Variants in MYOM2 observed in about 807,000 individuals in gnomAD.
MYOM2 encodes the protein myomesin 2.
In MYOM2, 254 loss-of-function variants were observed where a neutral mutation model predicts 187.6. The ratio of observed to expected loss-of-function variants is 1.35; its 90% CI spans 1.22 to 1.50. The LOEUF (loss-of-function observed/expected upper bound fraction) is 1.50, where lower values mean the gene tolerates loss of function less well. Among genes scored for constraint, MYOM2 ranks in the 40% most tolerant of loss-of-function variants. The pLI is 0.00. For synonymous variants in MYOM2, 981 were observed against 753.8 expected (o/e 1.30, Z -4.94); for missense variants, 2,796 against 1,924.0 (o/e 1.45, Z -8.48).
chr8:2,123,084 A>G lies in MYOM2; in HGVS notation c.3454-168A>G, dbSNP rs569259605. On this transcript the variant is annotated intron_variant, in intron 28 of 36. Transcript: ENST00000262113. ...AAGCTGGAATTTAGAAATGTGTTTG[A>G]CGTTATTGGGAGCGACAGCTTTTCC... 2.6e-5 allele frequency among the ~76,000 whole-genome samples: 4 copies of G among 152,208 alleles called. No homozygotes were observed. The East Asian group carries it at 7.7e-4, about 29-fold the overall frequency.
chr8:2,134,669 T>G (rs528404852), intron 32 of MYOM2, among the ~76,000 whole-genome samples: 106 of 152,306 alleles, frequency 7.0e-4, no homozygotes, highest in African/African-American at 2.5e-3. Context: ...TGTATCCGTT[T>G]GGACTCAGGG....
At chr8:2,077,313 AAAAAC>A (rs1819461153) in intron 11 of MYOM2, among the ~76,000 whole-genome samples, 1 of 152,186 alleles carries the variant, frequency 6.6e-6, no homozygotes, top group African/African-American at 2.4e-5. Flanking sequence ...CACCATCAAA[AAAAAC>A]AAAACAAAAC....
rs1393749940 is a variant in MYOM2 at position 2,085,454 on chromosome 8, CTGCG to C, written c.1644+67_1644+70del. On this transcript the variant is annotated intron_variant, in intron 14 of 36. Transcript: ENST00000262113. ...GCATGGCCCCCCACTGTCATGATCTCTGCGTGGCCCACCGCTGTCGTGATCTCCG... is the reference window on the plus strand; with the variant it reads ...GCATGGCCCCCCACTGTCATGATCTCTGGCCCACCGCTGTCGTGATCTCCG... 81 of 1,571,766 alleles carry C rather than the reference CTGCG, an allele frequency of 5.2e-5. 3 individuals carry two copies. The African/African-American group carries it at 6.3e-4, about 12-fold the overall frequency.
At chr8:2,120,557 G>T (rs1797388785) in intron 28 of MYOM2, among the ~76,000 whole-genome samples, 1 of 148,872 alleles carries the variant, frequency 6.7e-6, no homozygotes, top group Admixed American at 6.8e-5. Context: ...ACACACCCTA[G>T]ATAGGTGCAG....
intron 20 of MYOM2, among the ~76,000 whole-genome samples, chr8:2,101,777 T>C (rs1796718836): frequency 6.6e-6 from 1 of 152,256 alleles, no homozygotes; most frequent in South Asian, 2.1e-4. Flanking sequence ...ACTTAATTCA[T>C]GTGATCGCTA....
chr8:2,059,537 T>C (rs1390283066), intron 6 of MYOM2, among the ~76,000 whole-genome samples: 1 of 152,180 alleles, frequency 6.6e-6, no homozygotes, highest in Non-Finnish European at 1.5e-5. Flanking sequence ...GAAGCTTTCA[T>C]TGACACCTCC....
At chr8:2,143,064 G>C (rs760504459) in intron 35 of MYOM2, among the ~76,000 whole-genome samples, 1 of 151,860 alleles carries the variant, frequency 6.6e-6, no homozygotes. Context: ...CCAGGACCCC[G>C]TCACTTTCTG....
chr8:2,074,809 G>A (rs1468054800), intron 10 of MYOM2, among the ~76,000 whole-genome samples: 2 of 152,112 alleles, frequency 1.3e-5, no homozygotes, highest in African/African-American at 4.8e-5. Flanking sequence ...TTCTGCCCTG[G>A]GCTGCACCTC....
At chr8:2,122,421 C>T (rs1797488022) in intron 28 of MYOM2, among the ~76,000 whole-genome samples, 1 of 152,224 alleles carries the variant, frequency 6.6e-6, no homozygotes, top group South Asian at 2.1e-4. Context: ...CCCTGCTTCA[C>T]AGAGATTCAG....
At chr8:2,065,193 G>C (rs1477534077) in intron 6 of MYOM2, among the ~76,000 whole-genome samples, 3 of 152,160 alleles carry the variant, frequency 2.0e-5, no homozygotes, top group Non-Finnish European at 4.4e-5. Flanking sequence ...TTATTATATA[G>C]TCAGTAGATA....
intron 1 of MYOM2, among the ~76,000 whole-genome samples, chr8:2,050,358 C>T (rs1818442393): frequency 6.6e-6 from 1 of 152,188 alleles, no homozygotes; most frequent in Admixed American, 6.5e-5. Flanking sequence ...GGGCTCTTGG[C>T]TCTTATCGTA....
chr8:2,064,610 A>G (rs1159375026), intron 6 of MYOM2, among the ~76,000 whole-genome samples: 1 of 152,192 alleles, frequency 6.6e-6, no homozygotes, highest in Non-Finnish European at 1.5e-5. Flanking sequence ...ACCAAGTGCT[A>G]ATTGGTGACT....
intron 14 of MYOM2, 39 bp downstream of exon 14, chr8:2,085,429 G>A (rs752840535): frequency 3.7e-6 from 6 of 1,604,680 alleles, no homozygotes; most frequent in Non-Finnish European, 5.1e-6. Context: ...GTAGATCTCT[G>A]CATGGCCCCC....
intron 2 of MYOM2, among the ~76,000 whole-genome samples, chr8:2,051,771 G>A (rs537812515): frequency 3.9e-5 from 6 of 152,334 alleles, no homozygotes; most frequent in African/African-American, 9.6e-5. Flanking sequence ...GGGCATGTGC[G>A]GGGTATGGGT....
intron 25 of MYOM2, among the ~76,000 whole-genome samples, chr8:2,115,729 G>A (rs1797218053): frequency 6.6e-6 from 1 of 152,186 alleles, no homozygotes; most frequent in Admixed American, 6.5e-5. Flanking sequence ...GAAGGTCCCT[G>A]GTTTGGACTC....
chr8:2,077,264 T>G (rs936916770), intron 11 of MYOM2, among the ~76,000 whole-genome samples: 3 of 151,622 alleles, frequency 2.0e-5, no homozygotes, highest in Non-Finnish European at 4.4e-5. Flanking sequence ...GAGCCAAGAT[T>G]GCGCCACTGG....
Position 2,132,165 on chromosome 8 carries a change from A to G in MYOM2, c.3800+2933A>G, listed in dbSNP as rs534663759. 1.1e-4 allele frequency among the ~76,000 whole-genome samples: 17 copies of G among 152,354 alleles called. No homozygotes were observed. The South Asian group carries it at 3.1e-3, about 28-fold the overall frequency. ...CAATATACTTTAGCCATTTGAGGCTAAATAATCCACTTCACAAAACCTATG... is the reference window on the plus strand; with the variant it reads ...CAATATACTTTAGCCATTTGAGGCTGAATAATCCACTTCACAAAACCTATG... On this transcript the variant is annotated intron_variant, in intron 32 of 36. Transcript: ENST00000262113.
chr8:2,145,269 T>C lies in MYOM2; in HGVS notation c.*288T>C. ...GACAACACACTAGAATTTTCACGGGTGTGGGCACATGGGTGTGGCACCTGG... is the reference window on the plus strand; with the variant it reads ...GACAACACACTAGAATTTTCACGGGCGTGGGCACATGGGTGTGGCACCTGG... On this transcript the variant is annotated 3_prime_UTR_variant, in exon 37 of 37. Coordinates refer to ENST00000262113, the MANE Select transcript of MYOM2 (RefSeq NM_003970.4). The C allele has an allele frequency of 1.9e-6, 1 of 527,050 alleles. No individual in the cohort carries two copies. The highest frequency in any genetic ancestry group is 3.3e-6 in the Non-Finnish European group (1 of 300,000). The allele number at this position is 527,050 out of a possible 1,614,324, so 32.6% of individuals were successfully genotyped here.
In MYOM2 at chr8:2,057,733, G is replaced by T; in HGVS notation, c.513G>T (p.Val171=). ...ACACCGTCTGGGAGAGGATGTCTGT[G>T]AAACTCTGCTTCACCGTGCAAGGAT... ...RSHTVWERMS[V]KLCFTVQGFP... is the part of the protein sequence containing the mutation. Residue 171 remains valine (V), a synonymous_variant, in exon 5 of 37, where the codon GTG becomes GTT. Transcript: ENST00000262113. 1 of 1,614,116 alleles carries T rather than the reference G, an allele frequency of 6.2e-7. No individual in the cohort carries two copies. The highest frequency in any genetic ancestry group is 2.2e-5 in the East Asian group (1 of 44,860).
Sources: gnomAD v4.1 joint callset for allele counts (sites outside exome capture counted in the v4.1 genomes callset) on GRCh38, gnomAD v4.1.1 for gene constraint, MANE v1.5 for transcripts, NCBI Gene and HGNC (gene_info 2026-07-23, HGNC 2026-07-21) for gene names.